The following RGS6 variants were observed in gnomAD, a reference collection of about 807,000 sequenced individuals.
RGS6 encodes the protein regulator of G protein signaling 6.
Under a neutral mutation model 78.5 loss-of-function variants are expected in RGS6, and 30 were observed. That is an observed-to-expected ratio of 0.38 (90% confidence interval 0.29 to 0.52). RGS6 has a LOEUF of 0.52. RGS6 is among the 20% of genes least tolerant of loss of function. RGS6 has a pLI of 0.85. For synonymous variants in RGS6, 206 were observed against 206.0 expected (o/e 1.00, Z 0.00); for missense variants, 495 against 609.7 (o/e 0.81, Z 1.98).
the RGS6 span, among the ~76,000 whole-genome samples, chr14:71,875,086 A>T: frequency 6.6e-6 from 1 of 152,042 alleles, no homozygotes; most frequent in South Asian, 2.1e-4. Flanking sequence ...TTCATCAGGG[A>T]TATTGGTCTA....
At chr14:71,924,778 G>A in the RGS6 span, among the ~76,000 whole-genome samples, 40 of 152,230 alleles carry the variant, frequency 2.6e-4, no homozygotes, top group African/African-American at 8.2e-4. Flanking sequence ...ACATGTCTAT[G>A]TATCTAAATC....
chr14:72,441,973 A>T (rs1454068306), intron 3 of RGS6, among the ~76,000 whole-genome samples: 1 of 152,220 alleles, frequency 6.6e-6, no homozygotes, highest in Non-Finnish European at 1.5e-5. Context: ...ACTCATAGCG[A>T]TGCTGGAATG....
chr14:72,586,362 T>C, the RGS6 span, among the ~76,000 whole-genome samples: 6 of 152,160 alleles, frequency 3.9e-5, no homozygotes, highest in African/African-American at 7.2e-5. Context: ...TTGAGAAAAC[T>C]GGTTGCTGAA....
chr14:72,218,824 A>G (rs2046211074), intron 2 of RGS6, among the ~76,000 whole-genome samples: 1 of 151,974 alleles, frequency 6.6e-6, no homozygotes, highest in South Asian at 2.1e-4. Context: ...GTTGTGCAGG[A>G]TGATCTTGAT....
chr14:72,540,622 C>T (rs373431641), intron 17 of RGS6: 71 of 1,453,286 alleles, frequency 4.9e-5, no homozygotes, highest in Admixed American at 7.2e-5. Context: ...TGGGTCCTGG[C>T]GATGTGGCCT....
intron 2 of RGS6, among the ~76,000 whole-genome samples, chr14:72,043,404 C>T (rs530900434): frequency 3.3e-5 from 5 of 152,246 alleles, no homozygotes; most frequent in Middle Eastern, 3.4e-3. Context: ...CCTCTTTTAA[C>T]ATTTTTTTGA....
the RGS6 span, among the ~76,000 whole-genome samples, chr14:71,916,890 A>G: frequency 2.4e-4 from 37 of 152,370 alleles, no homozygotes; most frequent in African/African-American, 8.2e-4. Context: ...ATGAATTTCA[A>G]GGAGCTGCCC....
chr14:72,562,779 G>A lies in RGS6; in HGVS notation c.*312G>A, dbSNP rs1460374081. ...CAGCTCATTCAGGGGAGAACACGTC[G>A]TGGGGTTCCTGTCACGACTATCACT... On this transcript the variant is annotated 3_prime_UTR_variant, in exon 18 of 18. Transcript: ENST00000553525. 16 of 1,518,228 alleles carry A rather than the reference G, an allele frequency of 1.1e-5. No homozygotes were observed. Among genetic ancestry groups the A allele is most frequent in the East Asian group, 9.8e-5 (4 of 40,842 alleles). 94.0% of individuals were successfully genotyped at this position (1,518,228 alleles called of 1,614,324 possible). A position where few individuals can be genotyped will look rare whatever the true frequency, so the allele number is the denominator to read the frequency against.
chr14:72,458,533 T>C (rs897332531), intron 5 of RGS6, among the ~76,000 whole-genome samples, 156 bp downstream of exon 5: 2 of 152,220 alleles, frequency 1.3e-5, no homozygotes, highest in Non-Finnish European at 2.9e-5. Context: ...TCTGGGCCAC[T>C]GGGTGACCCA....
At chr14:72,582,009 GAC>G in the RGS6 span, among the ~76,000 whole-genome samples, 2 of 152,192 alleles carry the variant, frequency 1.3e-5, no homozygotes, top group Non-Finnish European at 2.9e-5. Context: ...CACGTATGAA[GAC>G]ACAAAACCCA....
At chr14:72,628,786 C>T in the RGS6 span, among the ~76,000 whole-genome samples, 1 of 152,118 alleles carries the variant, frequency 6.6e-6, no homozygotes, top group African/African-American at 2.4e-5. Context: ...AAATGTCAGA[C>T]AGCACAGAGA....
intron 2 of RGS6, among the ~76,000 whole-genome samples, chr14:72,240,790 A>G (rs142778706): frequency 6.6e-6 from 1 of 152,208 alleles, no homozygotes; most frequent in East Asian, 1.9e-4. Flanking sequence ...TTTCTGTAAC[A>G]TATTTAACAA....
At chr14:72,331,033 C>T (rs552275894) in intron 2 of RGS6, among the ~76,000 whole-genome samples, 4 of 152,214 alleles carry the variant, frequency 2.6e-5, no homozygotes, top group South Asian at 4.2e-4. Flanking sequence ...GGCTTTCGGC[C>T]GAGTCCCTCT....
chr14:72,608,296 G>A, the RGS6 span, among the ~76,000 whole-genome samples: 4 of 152,238 alleles, frequency 2.6e-5, no homozygotes, highest in East Asian at 7.7e-4. Flanking sequence ...TTAACTTGCA[G>A]CCTCAGGAAA....
At position 72,562,682 on chromosome 14, in the gene RGS6, G is replaced by C; in HGVS notation, c.*215G>C. ...AGAGCCTGGGCTGGGCCCGGTGGAG[G>C]CTCCTGTTTACAGCCCTCTCTTCTT... On this transcript the variant is annotated 3_prime_UTR_variant, in exon 18 of 18. Coordinates refer to ENST00000553525, the MANE Select transcript of RGS6 (RefSeq NM_001204424.2). The C allele has an allele frequency of 6.5e-7, 1 of 1,536,126 alleles. No individual in the cohort carries two copies. The highest frequency in any genetic ancestry group is 8.7e-7 in the Non-Finnish European group (1 of 1,146,906).
At chr14:72,620,692 T>C in the RGS6 span, among the ~76,000 whole-genome samples, 1 of 152,234 alleles carries the variant, frequency 6.6e-6, no homozygotes, top group African/African-American at 2.4e-5. Context: ...GTACGTCTTC[T>C]TCAAGCACTT....
At chr14:72,422,012 G>A (rs2094207781) in intron 3 of RGS6, among the ~76,000 whole-genome samples, 1 of 152,140 alleles carries the variant, frequency 6.6e-6, no homozygotes, top group Non-Finnish European at 1.5e-5. Flanking sequence ...GAATCATGCG[G>A]GCAGGTCTTT....
chr14:72,492,712 C>G (rs1227456903), intron 12 of RGS6, among the ~76,000 whole-genome samples: 2 of 152,136 alleles, frequency 1.3e-5, no homozygotes, highest in Admixed American at 1.3e-4. Flanking sequence ...TCAGCCCCTC[C>G]CCGACCCTGC....
intron 2 of RGS6, among the ~76,000 whole-genome samples, chr14:72,331,079 G>C (rs1277147272): frequency 1.3e-5 from 2 of 152,170 alleles, no homozygotes; most frequent in Non-Finnish European, 2.9e-5. Flanking sequence ...GACTAAGGCA[G>C]CAGATTCCGC....
Sources: gnomAD v4.1 joint callset for allele counts (sites outside exome capture counted in the v4.1 genomes callset) on GRCh38, gnomAD v4.1.1 for gene constraint, MANE v1.5 for transcripts, NCBI Gene and HGNC (gene_info 2026-07-23, HGNC 2026-07-21) for gene names.